HSPG2: variants seen among roughly 807,000 people sequenced by gnomAD.
HSPG2 encodes the protein basement membrane-specific heparan sulfate proteoglycan core protein.
A neutral mutation model predicts 526.6 loss-of-function variants in HSPG2; 278 were observed. That is an observed-to-expected ratio of 0.53 (90% CI 0.48 to 0.58). The LOEUF (loss-of-function observed/expected upper bound fraction) is 0.58, where lower values mean the gene tolerates loss of function less well. HSPG2 is among the 20% of genes least tolerant of loss of function. HSPG2 has a pLI of 0.00. For missense variants in HSPG2, 5,354 were observed against 6,099.5 expected (o/e 0.88, Z 4.07); for synonymous variants, 2,465 against 2,555.4 (o/e 0.96, Z 1.07).
Position 21,935,202 on chromosome 1 carries a change from G to A in HSPG2, c.63+1953C>T, listed in dbSNP as rs1280870130. Among the ~76,000 whole-genome samples the A allele has an allele frequency of 2.0e-5, 3 of 152,248 alleles. No individual in the cohort carries two copies. In the East Asian group the frequency reaches 5.8e-4, roughly 29 times the overall value. On this transcript the variant is annotated intron_variant, in intron 1 of 96. Transcript: ENST00000374695. ...TTACAGGCATGAGCCACCGCGCCTG[G>A]CCTGAAAAACTTTTTAAAAAGAATT...
rs751263521 is a variant in HSPG2, at chr1:21,839,831, A to G, written c.9700T>C (p.Ser3234Pro). ...EAGHTATLRC[S>P]ATGSPAPTIH... ...CAGCCCTTGGTCACACCTGTGGCTGAGCAGCGCAAGGTGGCCGTGTGTCCA... is the reference window on the plus strand; with the variant it reads ...CAGCCCTTGGTCACACCTGTGGCTGGGCAGCGCAAGGTGGCCGTGTGTCCA... Residue 3234 changes from serine (S) to proline (P), a missense_variant, in exon 72 of 97, where the codon TCA becomes CCA. Physicochemically the swap from Ser to Pro is moderately conservative, Grantham distance 74. Transcript: ENST00000374695. The surrounding 1 kb of genome is among the most constrained non-coding windows in gnomAD (Gnocchi z 4.5). 2 of 1,613,568 alleles carry G rather than the reference A, an allele frequency of 1.2e-6. No individual in the cohort carries two copies. Among genetic ancestry groups the G allele is most frequent in the South Asian group, 2.2e-5 (2 of 91,062 alleles).
Position 21,865,893 on chromosome 1 carries a change from C to A in HSPG2, c.4222-84G>T. On this transcript the variant is annotated intron_variant, in intron 33 of 96. Transcript: ENST00000374695. This position sits in a 1 kb window ranked among gnomAD's most constrained non-coding sequence, Gnocchi z 5.4. ...TATAGGTGAGGGATGGAGCATCTGGCGGCCTTTTTGCACCTGTGCCACACT... is the reference window on the plus strand; with the variant it reads ...TATAGGTGAGGGATGGAGCATCTGGAGGCCTTTTTGCACCTGTGCCACACT... The A allele has an allele frequency of 2.7e-6, 3 of 1,118,376 alleles. No individual in the cohort carries two copies. The highest frequency in any genetic ancestry group is 1.2e-5 in the South Asian group (1 of 80,952). 69.3% of individuals were successfully genotyped at this position (1,118,376 alleles called of 1,614,324 possible). A position where few individuals can be genotyped will look rare whatever the true frequency, so the allele number is the denominator to read the frequency against.
rs148141547 is a variant in HSPG2, at chr1:21,850,174, G to A, written c.7313C>T (p.Thr2438Met). The part of the protein sequence containing the change: ...GSVPALGVTP[T>M]VRIESSSSQV... ...CGAAGACGATGACTCGATCCGGACC[G>A]TGGGGGTGACCCCAAGTGCTGGGGA... The change falls in exon 57 of 97, where the codon ACG becomes ATG. Residue 2438 changes from threonine (T) to methionine (M), a missense_variant. Transcript: ENST00000374695. 46 of 1,613,280 alleles carry A rather than the reference G, an allele frequency of 2.9e-5. No homozygotes were observed. In the Admixed American group the frequency reaches 4.0e-4, roughly 14 times the overall value.
intron 1 of HSPG2, among the ~76,000 whole-genome samples, chr1:21,929,691 C>T (rs1462755748): frequency 3.3e-5 from 5 of 151,972 alleles, no homozygotes; most frequent in African/African-American, 1.2e-4. Flanking sequence ...CTCCTGCCCA[C>T]TCCTCCTGGA....
chr1:21,861,489 A>AG (rs992101477), intron 39 of HSPG2, among the ~76,000 whole-genome samples: 1 of 17,172 alleles, frequency 5.8e-5, no homozygotes, highest in African/African-American at 6.9e-5. Context: ...CTCAGTTTAA[A>AG]AAAAAAAAAA....
intron 63 of HSPG2, 30 bp from the exon 64 acceptor site, chr1:21,846,285 G>A (rs759547128): frequency 1.2e-6 from 2 of 1,612,804 alleles, no homozygotes; most frequent in South Asian, 2.2e-5. Context: ...GAGGAACAGA[G>A]TCAGGTGCCA....
At position 21,905,169 on chromosome 1, in the gene HSPG2, ACC is replaced by A. The variant is rs550520968; in HGVS notation, c.64-8861_64-8860del. Among the ~76,000 whole-genome samples the A allele has an allele frequency of 7.0e-3, 534 of 76,680 alleles. 2 individuals are homozygous for A. Among genetic ancestry groups the A allele is most frequent in the African/African-American group, 0.011 (284 of 25,038 alleles). The allele number at this position is 76,680 out of a possible 152,430, so 50.3% of individuals were successfully genotyped here. A position where few individuals can be genotyped will look rare whatever the true frequency, so the allele number is the denominator to read the frequency against. ...CTGTCTACACACACACCCACCACCC[ACC>A]CACACACACACACACACACACACAC... On this transcript the variant is annotated intron_variant, in intron 1 of 96. Coordinates refer to ENST00000374695, the MANE Select transcript of HSPG2 (RefSeq NM_005529.7).
rs116566663 is a variant in HSPG2 at position 21,873,213 on chromosome 1, C to T, written c.3794-122G>A. ...CTGATGTGAGTACTCAACACTCTCA[C>T]GACAGCCCTCGGAGGTGGTGGGGCC... On this transcript the variant is annotated intron_variant, in intron 30 of 96. Transcript: ENST00000374695. 3,675 of 1,139,312 alleles carry T rather than the reference C, an allele frequency of 3.2e-3. 75 individuals carry two copies. In the African/African-American group the frequency reaches 0.047, roughly 14 times the overall value. The allele number at this position is 1,139,312 out of a possible 1,614,324, so 70.6% of individuals were successfully genotyped here.
rs375271939 is a variant in HSPG2 at position 21,852,916 on chromosome 1, T to C, written c.6591+3A>G. On this transcript the variant is annotated splice_donor_region_variant and intron_variant, in intron 51 of 96. Coordinates refer to ENST00000374695, the MANE Select transcript of HSPG2 (RefSeq NM_005529.7). ...GCAAGGTGGTCCCGGGGGGCTGCCA[T>C]ACCTGGTGCCGGGCAGGGAGGCTGC... is the stretch of plus-strand genomic sequence containing the variant. 8.1e-6 allele frequency: 13 copies of C among 1,612,704 alleles called. No homozygotes were observed. The highest frequency in any genetic ancestry group is 1.0e-5 in the Non-Finnish European group (12 of 1,179,794).
intron 12 of HSPG2, 42 bp downstream of exon 12, chr1:21,884,725 G>T (rs1313436157): frequency 6.2e-7 from 1 of 1,611,338 alleles, no homozygotes. Context: ...GGGCAGCCCG[G>T]CTCTGCCCCC....
At chr1:21,846,014 T>C (rs1638402189) in intron 64 of HSPG2, 94 bp downstream of exon 64, 2 of 1,448,662 alleles carry the variant, frequency 1.4e-6, no homozygotes, top group Non-Finnish European at 9.6e-7. Flanking sequence ...TCTCGCCGAG[T>C]GCCAGAAAGT....
rs531850859 is a variant in HSPG2, at chr1:21,850,333, C to T, written c.7294+30G>A. On this transcript the variant is annotated intron_variant, in intron 56 of 96. Coordinates refer to ENST00000374695, the MANE Select transcript of HSPG2 (RefSeq NM_005529.7). ...GTGGGGGGCCTCCCACCCTGGGTCC[C>T]CAGCCCTGCCCTCCCTGAGAGCTAC... 4.4e-6 allele frequency: 7 copies of T among 1,602,552 alleles called. No individual in the cohort carries two copies. The African/African-American group carries it at 8.0e-5, about 18-fold the overall frequency.
intron 77 of HSPG2, among the ~76,000 whole-genome samples, chr1:21,834,417 C>A (rs1280941702): frequency 6.6e-6 from 1 of 152,206 alleles, no homozygotes; most frequent in African/African-American, 2.4e-5. Context: ...GCACTCCCTG[C>A]AGATGAGGAC....
intron 33 of HSPG2, chr1:21,868,936 A>T (rs1640442133): frequency 1.0e-6 from 1 of 983,744 alleles, no homozygotes; most frequent in South Asian, 4.7e-5. Context: ...GGCTTCCAGG[A>T]AGCAGAGAGA....
In HSPG2 at chr1:21,841,562, C is replaced by T; in HGVS notation, c.9305G>A (p.Ser3102Asn). 5 of 1,614,258 alleles carry T rather than the reference C, an allele frequency of 3.1e-6. No homozygotes were observed. The highest frequency in any genetic ancestry group is 4.2e-6 in the Non-Finnish European group (5 of 1,180,042). ...VASNAYGVAQ[S>N]VVNLSVHGPP... ...ACCGTGCACACTGAGGTTCACCACACTCTGGGCCACACCGTAGGCATTGGA... is the reference window on the plus strand; with the variant it reads ...ACCGTGCACACTGAGGTTCACCACATTCTGGGCCACACCGTAGGCATTGGA... The change falls in exon 70 of 97, where the codon AGT becomes AAT. Residue 3102 changes from serine (S) to asparagine (N), a missense_variant. Ser to Asn is a conservative substitution (Grantham distance 46). Transcript: ENST00000374695.
rs752313111 is a variant in HSPG2 at position 21,828,906 on chromosome 1, C to A, written c.12166G>T (p.Gly4056Cys). ...GACAGTGGCACGGAAGGCTCCACAC[C>A]CCCCAGGTAGAGCAGGGTGTGCAGG... ...LNLHTLLYLG[G>C]VEPSVPLSPA... is the part of the protein sequence containing the mutation. Residue 4056 changes from glycine (G) to cysteine (C), a missense_variant, in exon 88 of 97, where the codon GGT becomes TGT. Physicochemically the swap from Gly to Cys is radical, Grantham distance 159. Coordinates refer to ENST00000374695, the MANE Select transcript of HSPG2 (RefSeq NM_005529.7). This position sits in a 1 kb window ranked among gnomAD's most constrained non-coding sequence, Gnocchi z 6.0. 4 of 1,559,946 alleles carry A rather than the reference C, an allele frequency of 2.6e-6. No individual in the cohort carries two copies. Among genetic ancestry groups the A allele is most frequent in the Middle Eastern group, 1.7e-4 (1 of 5,900 alleles).
Position 21,895,879 on chromosome 1 carries a change from G to C in HSPG2, c.244+43C>G. On this transcript the variant is annotated intron_variant, in intron 3 of 96. Coordinates refer to ENST00000374695, the MANE Select transcript of HSPG2 (RefSeq NM_005529.7). This position sits in a 1 kb window ranked among gnomAD's most constrained non-coding sequence, Gnocchi z 4.1. ...AGGAGACTGGCTCTGGGGCTTCCCT[G>C]GGGGACAGGAGGGAGACCTGCAGGA... 1.2e-6 allele frequency: 2 copies of C among 1,600,526 alleles called. No homozygotes were observed. The highest frequency in any genetic ancestry group is 8.6e-7 in the Non-Finnish European group (1 of 1,168,320).
At chr1:21,843,996 C>A (rs1638222501) in intron 65 of HSPG2, 152 bp downstream of exon 65, 3 of 1,037,368 alleles carry the variant, frequency 2.9e-6, no homozygotes, top group African/African-American at 3.1e-5. Context: ...CCCTGCTGTG[C>A]CCAGCCCGCT....
Position 21,828,740 on chromosome 1 carries a change from T to C in HSPG2, c.12237+95A>G. ...CCCAGGGCCCGTGGGTGGCTGCAGG[T>C]GGAGGGGCCCAATGCCAAGGTGCTT... On this transcript the variant is annotated intron_variant, in intron 88 of 96. Transcript: ENST00000374695. The surrounding 1 kb of genome is among the most constrained non-coding windows in gnomAD (Gnocchi z 6.0). 5 of 1,521,710 alleles carry C rather than the reference T, an allele frequency of 3.3e-6. No homozygotes were observed. The highest frequency in any genetic ancestry group is 4.4e-6 in the Non-Finnish European group (5 of 1,126,904). 94.3% of individuals were successfully genotyped at this position (1,521,710 alleles called of 1,614,324 possible). A position where few individuals can be genotyped will look rare whatever the true frequency, so the allele number is the denominator to read the frequency against.
Sources: gnomAD v4.1 joint callset for allele counts (sites outside exome capture counted in the v4.1 genomes callset) on GRCh38, gnomAD v4.1.1 for gene constraint, Gnocchi (gnomAD v3.1) non-coding constraint, MANE v1.5 for transcripts, NCBI Gene and HGNC (gene_info 2026-07-23, HGNC 2026-07-21) for gene names.